SNX29: variants seen among roughly 807,000 people sequenced by gnomAD.
SNX29 encodes the protein sorting nexin-29.
SNX29 carries 78 observed loss-of-function variants against 102.1 expected under a neutral mutation model. The ratio of observed to expected loss-of-function variants is 0.76; its 90% confidence interval spans 0.64 to 0.92. The LOEUF (loss-of-function observed/expected upper bound fraction) is 0.92, where lower values mean the gene tolerates loss of function less well. Among genes scored for constraint, SNX29 ranks in the 40% least tolerant of loss-of-function variants. The pLI is 0.00. For missense variants in SNX29, 1,280 were observed against 1,061.7 expected (o/e 1.21, Z -2.86); for synonymous variants, 580 against 414.5 (o/e 1.40, Z -4.85).
chr16:12,326,124 C>T (rs530378845), intron 15 of SNX29, among the ~76,000 whole-genome samples: 1 of 151,944 alleles, frequency 6.6e-6, no homozygotes, highest in East Asian at 2.0e-4. Flanking sequence ...CTCCCGGGTT[C>T]AAGCGATTCT....
At chr16:12,403,879 A>G (rs528873516) in intron 18 of SNX29, among the ~76,000 whole-genome samples, 3 of 152,248 alleles carry the variant, frequency 2.0e-5, no homozygotes, top group African/African-American at 7.2e-5. Context: ...GCCATCAGGA[A>G]CCTGCTGCCA....
intron 4 of SNX29, among the ~76,000 whole-genome samples, chr16:12,038,998 A>G (rs1424165367): frequency 6.6e-6 from 1 of 152,122 alleles, no homozygotes; most frequent in Non-Finnish European, 1.5e-5. Flanking sequence ...GATTACTTTG[A>G]CATTTAGGGA....
At chr16:12,316,128 CAG>C (rs1214343989) in intron 15 of SNX29, among the ~76,000 whole-genome samples, 4 of 152,130 alleles carry the variant, frequency 2.6e-5, no homozygotes, top group Non-Finnish European at 5.9e-5. Context: ...GCATCCCAGG[CAG>C]AGAGACAGCA....
chr16:12,006,159 G>A (rs59446863), intron 3 of SNX29, among the ~76,000 whole-genome samples: 62,322 of 150,950 alleles, frequency 0.41, 14,036 homozygotes, highest in Non-Finnish European at 0.51. Context: ...AGCTATGATC[G>A]TGCCATTGCA....
At chr16:12,562,889 G>T (rs1178189181) in intron 20 of SNX29, among the ~76,000 whole-genome samples, 3 of 152,098 alleles carry the variant, frequency 2.0e-5, no homozygotes, top group Admixed American at 6.5e-5. Context: ...CTAGTTTTGG[G>T]AATTTGACGA....
intron 13 of SNX29, among the ~76,000 whole-genome samples, chr16:12,148,791 G>A (rs1202020976): frequency 6.6e-6 from 1 of 152,074 alleles, no homozygotes; most frequent in Non-Finnish European, 1.5e-5. Context: ...TCCACCTCCC[G>A]GGTTCAAGTG....
intron 13 of SNX29, among the ~76,000 whole-genome samples, chr16:12,161,328 A>T (rs2055775963): frequency 6.6e-6 from 1 of 152,090 alleles, no homozygotes; most frequent in East Asian, 1.9e-4. Context: ...CTCCATCACG[A>T]GGTTCCCCGA....
At chr16:12,221,850 G>C (rs907646362) in intron 14 of SNX29, among the ~76,000 whole-genome samples, 1 of 152,140 alleles carries the variant, frequency 6.6e-6, no homozygotes, top group Non-Finnish European at 1.5e-5. Flanking sequence ...GCATGATCCC[G>C]TGCTTCCTTG....
At chr16:12,560,623 C>G (rs952601791) in intron 20 of SNX29, 2 of 153,454 alleles carry the variant, frequency 1.3e-5, no homozygotes, top group African/African-American at 2.4e-5. Flanking sequence ...GCTGCCTTGT[C>G]ACATCCCCAC....
rs373647505 is a variant in SNX29 at position 12,202,166 on chromosome 16, A to G, written c.1678+2483A>G. On this transcript the variant is annotated intron_variant, in intron 14 of 20. Coordinates refer to ENST00000566228, the MANE Select transcript of SNX29 (RefSeq NM_032167.5). ...TGTGTAAAAAGCCTCCAGGATTTAAACAAAACAACTTAAAATGAACTTTTA... is the reference window on the plus strand; with the variant it reads ...TGTGTAAAAAGCCTCCAGGATTTAAGCAAAACAACTTAAAATGAACTTTTA... Among the ~76,000 whole-genome samples, 21 of 152,334 alleles carry G rather than the reference A, an allele frequency of 1.4e-4. No individual in the cohort carries two copies. In the East Asian group the frequency reaches 3.5e-3, roughly 25 times the overall value.
At chr16:12,546,237 T>A (rs1419883841) in intron 20 of SNX29, 1 of 152,206 alleles carries the variant, frequency 6.6e-6, no homozygotes, top group Non-Finnish European at 1.5e-5. Flanking sequence ...GAGGTAAACT[T>A]GACCTCTTTT....
intron 15 of SNX29, among the ~76,000 whole-genome samples, chr16:12,309,175 C>T (rs1024317386): frequency 6.6e-6 from 1 of 152,162 alleles, no homozygotes; most frequent in Admixed American, 6.5e-5. Context: ...AAGAGGTGGG[C>T]TTCCTCTGCA....
At chr16:12,222,634 T>A (rs977143423) in intron 14 of SNX29, among the ~76,000 whole-genome samples, 3 of 152,150 alleles carry the variant, frequency 2.0e-5, no homozygotes, top group East Asian at 3.8e-4. Context: ...AATGGTGCAA[T>A]CTTGGCTCCC....
At chr16:12,481,072 C>G (rs1311608536) in intron 19 of SNX29, among the ~76,000 whole-genome samples, 1 of 152,170 alleles carries the variant, frequency 6.6e-6, no homozygotes, top group African/African-American at 2.4e-5. Flanking sequence ...AGCAGCAAAC[C>G]TTTCTCCTAT....
chr16:12,144,812 C>G (rs2141533957), intron 13 of SNX29, among the ~76,000 whole-genome samples: 1 of 152,332 alleles, frequency 6.6e-6, no homozygotes, highest in East Asian at 1.9e-4. Context: ...AGCTCCTCCT[C>G]CCGGATTCAC....
chr16:12,310,944 G>T (rs557284267), intron 15 of SNX29, among the ~76,000 whole-genome samples: 1 of 152,362 alleles, frequency 6.6e-6, no homozygotes, highest in Admixed American at 6.5e-5. Context: ...CACAGGGGAG[G>T]TTTGTTCTTT....
chr16:12,133,114 T>C (rs2054529371), intron 13 of SNX29, among the ~76,000 whole-genome samples: 1 of 151,842 alleles, frequency 6.6e-6, no homozygotes. Flanking sequence ...TCCTCAGGTG[T>C]GTGTGTGTTT....
intron 18 of SNX29, among the ~76,000 whole-genome samples, chr16:12,450,185 T>C (rs1366611170): frequency 6.6e-6 from 1 of 152,194 alleles, no homozygotes; most frequent in African/African-American, 2.4e-5. Context: ...TTAAACCTGT[T>C]TTTCTTTATA....
At chr16:12,210,346 GAC>G (rs2077150856) in intron 14 of SNX29, among the ~76,000 whole-genome samples, 1 of 142,604 alleles carries the variant, frequency 7.0e-6, no homozygotes, top group Admixed American at 7.1e-5. Flanking sequence ...TTTTTTTAAA[GAC>G]ACAGGGTCTT....
Sources: allele counts gnomAD v4.1 joint callset (sites outside exome capture counted in the v4.1 genomes callset), GRCh38; gene constraint gnomAD v4.1.1; transcripts MANE v1.5; gene names NCBI Gene and HGNC (gene_info 2026-07-23, HGNC 2026-07-21).